The following HMCN2 variants were observed in gnomAD, a reference collection of about 807,000 sequenced individuals.
HMCN2 encodes the protein hemicentin-2.
In HMCN2, 325 loss-of-function variants were observed where a neutral mutation model predicts 377.5. That is an observed-to-expected ratio of 0.86 (90% CI 0.79 to 0.94). HMCN2 has a LOEUF of 0.94. HMCN2 is among the 40% of genes least tolerant of loss of function. HMCN2 has a pLI of 0.00. For synonymous variants in HMCN2, 2,007 were observed against 2,046.8 expected (o/e 0.98, Z 0.53); for missense variants, 4,543 against 4,725.3 (o/e 0.96, Z 1.13).
At chr9:130,317,292 A>G (rs1837609845) in intron 15 of HMCN2, among the ~76,000 whole-genome samples, 1 of 152,036 alleles carries the variant, frequency 6.6e-6, no homozygotes, top group Non-Finnish European at 1.5e-5. Flanking sequence ...GATTGTGATG[A>G]TATCCACTTA....
At chr9:130,328,344 C>G (rs1838257446) in intron 22 of HMCN2, among the ~76,000 whole-genome samples, 1 of 152,148 alleles carries the variant, frequency 6.6e-6, no homozygotes, top group African/African-American at 2.4e-5. Flanking sequence ...TGGGAGCCCA[C>G]AGCTCCCCTA....
chr9:130,291,737 C>A (rs936995375), intron 4 of HMCN2, among the ~76,000 whole-genome samples: 8 of 152,100 alleles, frequency 5.3e-5, no homozygotes, highest in African/African-American at 1.9e-4. Flanking sequence ...TCAACATAAC[C>A]CACAATATCG....
chr9:130,380,381 T>C (rs915487718), intron 54 of HMCN2, among the ~76,000 whole-genome samples: 5 of 152,174 alleles, frequency 3.3e-5, no homozygotes, highest in African/African-American at 1.2e-4. Context: ...AGATTCGAAC[T>C]GTGTCCTGCC....
At chr9:130,383,651 G>A in intron 57 of HMCN2, 51 bp downstream of exon 57, 1 of 877,432 alleles carries the variant, frequency 1.1e-6, no homozygotes, top group Non-Finnish European at 1.4e-6. Flanking sequence ...CCCTTCCCAG[G>A]GGGCACTGCC....
intron 1 of HMCN2, 46 bp downstream of exon 1, chr9:130,266,183 C>A (rs1358097216): frequency 6.9e-6 from 3 of 435,652 alleles, no homozygotes; most frequent in African/African-American, 4.6e-5. Flanking sequence ...CTTCGAGGTG[C>A]TCTCACCTGC....
At chr9:130,355,911 C>G (rs534316177) in intron 33 of HMCN2, 57 bp downstream of exon 33, 8 of 1,111,290 alleles carry the variant, frequency 7.2e-6, no homozygotes, top group Non-Finnish European at 9.7e-6. Context: ...GTGTGCTTTG[C>G]GGATTGTGGG....
Position 130,395,187 on chromosome 9 carries a change from C to G in HMCN2, c.10775-24C>G, listed in dbSNP as rs1023461426. On this transcript the variant is annotated intron_variant, in intron 70 of 97. Transcript: ENST00000683500. The stretch of plus-strand genomic sequence containing the variant: ...GCAGGGGTGAGTCCCCCTCTCATAT[C>G]CTCTTGTGCCACCCCCTTCCCAGCC... The G allele has an allele frequency of 5.4e-6, 7 of 1,286,422 alleles. No individual in the cohort carries two copies. In the African/African-American group the frequency reaches 1.1e-4, roughly 20 times the overall value. 79.7% of individuals were successfully genotyped at this position (1,286,422 alleles called of 1,614,324 possible).
chr9:130,285,682 A>G (rs1554927436), intron 3 of HMCN2, among the ~76,000 whole-genome samples: 1 of 152,082 alleles, frequency 6.6e-6, no homozygotes, highest in Non-Finnish European at 1.5e-5. Context: ...CCATTGTCTC[A>G]GGGTTTGGAA....
chr9:130,428,303 C>G lies in HMCN2; in HGVS notation c.14066-55C>G, dbSNP rs908876446. Reference sequence around the variant, plus strand: ...GATAGGCCGGGCCAGGGTCAGGTGGCGAGGCACGCCTGGGGATCATGTTCA... The same window carrying G: ...GATAGGCCGGGCCAGGGTCAGGTGGGGAGGCACGCCTGGGGATCATGTTCA... On this transcript the variant is annotated intron_variant, in intron 92 of 97. Transcript: ENST00000683500. The surrounding 1 kb of genome is among the most constrained non-coding windows in gnomAD (Gnocchi z 5.0). 19 of 1,469,966 alleles carry G rather than the reference C, an allele frequency of 1.3e-5. No individual in the cohort carries two copies. The African/African-American group carries it at 2.4e-4, about 18-fold the overall frequency. 91.1% of individuals were successfully genotyped at this position (1,469,966 alleles called of 1,614,324 possible).
intron 43 of HMCN2, among the ~76,000 whole-genome samples, chr9:130,367,910 C>G (rs529439050): frequency 1.4e-5 from 2 of 144,896 alleles, no homozygotes; most frequent in Admixed American, 7.1e-5. Flanking sequence ...GCACTGTACT[C>G]CAGCCTGGGC....
rs1265479724 is a variant in HMCN2 at position 130,271,556 on chromosome 9, G to C, written c.259+5419G>C. ...CGTTCAGTTGGTTTCTGTGTCCCTT[G>C]GACACCCCTCTTGTTGTGCACGTGT... On this transcript the variant is annotated intron_variant, in intron 1 of 97. Transcript: ENST00000683500. Among the ~76,000 whole-genome samples, 5 of 148,924 alleles carry C rather than the reference G, an allele frequency of 3.4e-5. 1 individual carries two copies. The highest frequency in any genetic ancestry group is 3.4e-4 in the Admixed American group (5 of 14,916).
chr9:130,394,704 T>C lies in HMCN2; in HGVS notation c.10692+129T>C. ...ACCTCCTCTGTGTGGGGTGTGAGGG[T>C]GTGGAGGTGACCCACCTTGGCCGTG... On this transcript the variant is annotated intron_variant, in intron 69 of 97. Transcript: ENST00000683500. This position sits in a 1 kb window ranked among gnomAD's most constrained non-coding sequence, Gnocchi z 5.1. The C allele has an allele frequency of 1.3e-6, 1 of 757,706 alleles. No homozygotes were observed. Among genetic ancestry groups the C allele is most frequent in the Non-Finnish European group, 1.8e-6 (1 of 544,978 alleles). 46.9% of individuals were successfully genotyped at this position (757,706 alleles called of 1,614,324 possible).
In HMCN2 at chr9:130,298,777, G is replaced by A. The variant is rs1379561562; in HGVS notation, c.1013-248G>A. On this transcript the variant is annotated intron_variant, in intron 7 of 97. Transcript: ENST00000683500. ...ACTCCAACTCAGTGCAGTCAGAGGG[G>A]ATGCAGCCATTGGGAAGCCGTGGTT... 2.0e-5 allele frequency among the ~76,000 whole-genome samples: 3 copies of A among 152,270 alleles called. No homozygotes were observed. The South Asian group carries it at 6.2e-4, about 32-fold the overall frequency.
At position 130,325,884 on chromosome 9, in the gene HMCN2, CGT is replaced by C. The variant is rs1838107802; in HGVS notation, c.3108_3109del (p.Ser1037CysfsTer19). 1 of 152,330 alleles carries C rather than the reference CGT, an allele frequency of 6.6e-6. No individual in the cohort carries two copies. The highest frequency in any genetic ancestry group is 1.5e-5 in the Non-Finnish European group (1 of 68,096). The allele number at this position is 152,330 out of a possible 1,614,324, so 9.4% of individuals were successfully genotyped here. A position where few individuals can be genotyped will look rare whatever the true frequency, so the allele number is the denominator to read the frequency against. ...GAGGGCACCCTGCTCATCGCCCAGCCGTCTGCCCAGGACGCAGGGGCCTACGT... is the reference window on the plus strand; with the variant it reads ...GAGGGCACCCTGCTCATCGCCCAGCCCTGCCCAGGACGCAGGGGCCTACGT... On this transcript the variant is annotated frameshift_variant, in exon 21 of 98. Transcript: ENST00000683500. LOFTEE classifies it high-confidence loss of function.
chr9:130,379,523 T>A, intron 54 of HMCN2, 56 bp downstream of exon 54: 2 of 828,888 alleles, frequency 2.4e-6, no homozygotes, highest in Non-Finnish European at 2.9e-6. Context: ...GTGTGCTGCC[T>A]GCTGTGTGAC....
In HMCN2 at chr9:130,431,489, G is replaced by A. The variant is rs1251929043; in HGVS notation, c.14767+3G>A. 1.3e-6 allele frequency: 2 copies of A among 1,548,464 alleles called. No individual in the cohort carries two copies. Among genetic ancestry groups the A allele is most frequent in the Non-Finnish European group, 1.7e-6 (2 of 1,146,684 alleles). On this transcript the variant is annotated splice_donor_region_variant and intron_variant, in intron 96 of 97. Coordinates refer to ENST00000683500, the MANE Select transcript of HMCN2 (RefSeq NM_001291815.2). ...CCCCAGCGGGAAGAACTGCCAGGGT[G>A]AGCCGGGCTCAGGCCGCCGCCCAAA...
chr9:130,430,641 GTTATGGGCTCT>G, intron 95 of HMCN2, 37 bp downstream of exon 95: 1 of 1,508,212 alleles, frequency 6.6e-7, no homozygotes, highest in Non-Finnish European at 8.9e-7. Flanking sequence ...GGACACTGCC[GTTATGGGCTCT>G]TGGGCCCCTA....
At chr9:130,429,447 T>C in intron 93 of HMCN2, 110 bp from the exon 94 acceptor site, 6 of 1,385,916 alleles carry the variant, frequency 4.3e-6, no homozygotes, top group Non-Finnish European at 5.9e-6. Context: ...GCACTGAAAC[T>C]GGAGAAGGGG....
At chr9:130,319,104 C>A (rs1837714014) in intron 15 of HMCN2, among the ~76,000 whole-genome samples, 1 of 152,126 alleles carries the variant, frequency 6.6e-6, no homozygotes, top group Admixed American at 6.5e-5. Context: ...GGAGGGTAGG[C>A]AGGGGTAGAA....
Sources: gnomAD v4.1 joint callset for allele counts (sites outside exome capture counted in the v4.1 genomes callset) on GRCh38, gnomAD v4.1.1 for gene constraint, Gnocchi (gnomAD v3.1) non-coding constraint, MANE v1.5 for transcripts, NCBI Gene and HGNC (gene_info 2026-07-23, HGNC 2026-07-21) for gene names.